The following GRM8 variants were observed in gnomAD, a reference collection of about 807,000 sequenced individuals.
The protein encoded by GRM8 is metabotropic glutamate receptor 8.
In GRM8, 47 loss-of-function variants were observed where a neutral mutation model predicts 87.2. That is an observed-to-expected ratio of 0.54 (90% CI 0.43 to 0.69). The LOEUF (loss-of-function observed/expected upper bound fraction) is 0.69, where lower values mean the gene tolerates loss of function less well. Ranked by LOEUF, GRM8 falls within the 30% of genes least tolerant of loss-of-function variation. GRM8 has a pLI of 0.00. For missense variants in GRM8, 1,019 were observed against 1,139.2 expected (o/e 0.89, Z 1.52); for synonymous variants, 396 against 404.5 (o/e 0.98, Z 0.25).
At chr7:126,812,656 G>T (rs1793412277) in intron 6 of GRM8, among the ~76,000 whole-genome samples, 1 of 151,898 alleles carries the variant, frequency 6.6e-6, no homozygotes. Context: ...TCTGTAGGAG[G>T]AGTCCTGAAA....
At chr7:126,808,834 T>C (rs564668750) in intron 6 of GRM8, among the ~76,000 whole-genome samples, 1 of 152,324 alleles carries the variant, frequency 6.6e-6, no homozygotes, top group African/African-American at 2.4e-5. Context: ...CTCTGGTATG[T>C]CTTTGCCTCC....
intron 9 of GRM8, among the ~76,000 whole-genome samples, chr7:126,489,315 A>G (rs1042036302): frequency 1.6e-4 from 24 of 152,116 alleles, no homozygotes; most frequent in African/African-American, 4.8e-4. Flanking sequence ...CTGCAAATCA[A>G]TATCAGCTAT....
intron 3 of GRM8, among the ~76,000 whole-genome samples, chr7:127,049,744 C>T (rs773143014): frequency 1.3e-5 from 2 of 151,938 alleles, no homozygotes; most frequent in South Asian, 2.1e-4. Flanking sequence ...GGTGGAGGGA[C>T]GATGGTCACA....
chr7:127,142,058 C>T (rs1343428680), intron 2 of GRM8, among the ~76,000 whole-genome samples: 1 of 152,028 alleles, frequency 6.6e-6, no homozygotes, highest in South Asian at 2.1e-4. Context: ...TCATAGCTCA[C>T]TACAACCTGG....
At chr7:126,822,436 G>A (rs79809519) in intron 6 of GRM8, among the ~76,000 whole-genome samples, 2 of 151,826 alleles carry the variant, frequency 1.3e-5, no homozygotes, top group African/African-American at 4.8e-5. Context: ...CCTGCACTCA[G>A]GCCCTTCCTT....
At chr7:126,780,002 T>A (rs1255007728) in intron 6 of GRM8, among the ~76,000 whole-genome samples, 2 of 152,224 alleles carry the variant, frequency 1.3e-5, no homozygotes, top group Non-Finnish European at 2.9e-5. Flanking sequence ...TGGCACCTTA[T>A]GTAGTAAATA....
intron 2 of GRM8, among the ~76,000 whole-genome samples, chr7:127,116,414 T>C (rs1307432671): frequency 1.3e-5 from 2 of 152,184 alleles, no homozygotes; most frequent in Non-Finnish European, 2.9e-5. Flanking sequence ...CCAGACACGG[T>C]GACAGGCCCT....
At chr7:126,657,888 G>A (rs552853916) in intron 7 of GRM8, among the ~76,000 whole-genome samples, 1 of 152,202 alleles carries the variant, frequency 6.6e-6, no homozygotes, top group Non-Finnish European at 1.5e-5. Context: ...GTATGCATAG[G>A]GGGAGCTCCT....
intron 2 of GRM8, among the ~76,000 whole-genome samples, chr7:127,203,403 C>T (rs1203317197): frequency 1.3e-5 from 2 of 152,118 alleles, no homozygotes; most frequent in Admixed American, 6.5e-5. Context: ...CTTGCACATA[C>T]ACCCCCTGAA....
intron 2 of GRM8, among the ~76,000 whole-genome samples, chr7:127,168,188 G>A (rs941390536): frequency 6.6e-6 from 1 of 152,110 alleles, no homozygotes; most frequent in East Asian, 1.9e-4. Context: ...ATCAAAAAGT[G>A]GGCAAAGGAT....
intron 7 of GRM8, among the ~76,000 whole-genome samples, chr7:126,670,549 G>A (rs1386981663): frequency 2.0e-5 from 3 of 152,124 alleles, no homozygotes; most frequent in African/African-American, 4.8e-5. Flanking sequence ...ATTCACAGAC[G>A]ATTGTTGTCT....
chr7:126,652,090 A>G (rs1460783632), intron 7 of GRM8, among the ~76,000 whole-genome samples: 2 of 152,252 alleles, frequency 1.3e-5, no homozygotes, highest in Non-Finnish European at 2.9e-5. Flanking sequence ...TTCTTTTGGT[A>G]AAACCATGTT....
chr7:126,726,827 T>G (rs1322326422), intron 7 of GRM8, among the ~76,000 whole-genome samples: 1 of 151,910 alleles, frequency 6.6e-6, no homozygotes, highest in Non-Finnish European at 1.5e-5. Flanking sequence ...TAAAGAAAAT[T>G]CTGACAAAAC....
At chr7:126,845,931 G>T (rs1796678608) in intron 6 of GRM8, among the ~76,000 whole-genome samples, 1 of 151,862 alleles carries the variant, frequency 6.6e-6, no homozygotes, top group Non-Finnish European at 1.5e-5. Context: ...ATGTGCAGGG[G>T]AGTGGGGCTA....
intron 6 of GRM8, among the ~76,000 whole-genome samples, chr7:126,777,738 C>T (rs543062227): frequency 5.0e-4 from 76 of 152,148 alleles, no homozygotes; most frequent in African/African-American, 1.7e-3. Context: ...TTGAACTACA[C>T]TTAAAAAGGA....
At chr7:126,681,580 C>T (rs1807589519) in intron 7 of GRM8, among the ~76,000 whole-genome samples, 2 of 152,248 alleles carry the variant, frequency 1.3e-5, no homozygotes, top group African/African-American at 4.8e-5. Context: ...AACTCAACAA[C>T]TTGGAGATTT....
intron 3 of GRM8, among the ~76,000 whole-genome samples, chr7:127,077,821 C>T (rs1822444306): frequency 6.6e-6 from 1 of 152,192 alleles, no homozygotes. Flanking sequence ...ATTCTGTATC[C>T]TTCTTGTTCT....
chr7:127,191,197 A>G (rs962835605), intron 2 of GRM8, among the ~76,000 whole-genome samples: 2 of 152,188 alleles, frequency 1.3e-5, no homozygotes, highest in Middle Eastern at 3.2e-3. Flanking sequence ...CAACTCCTTT[A>G]CATCAGGGCC....
intron 9 of GRM8, among the ~76,000 whole-genome samples, chr7:126,474,168 G>C (rs1380625250): frequency 6.6e-6 from 1 of 152,086 alleles, no homozygotes; most frequent in Non-Finnish European, 1.5e-5. Flanking sequence ...AAAATGAAGT[G>C]CTAGATTTCC....
Sources: allele counts gnomAD v4.1 joint callset (sites outside exome capture counted in the v4.1 genomes callset), GRCh38; gene constraint gnomAD v4.1.1; transcripts MANE v1.5; gene names NCBI Gene and HGNC (gene_info 2026-07-23, HGNC 2026-07-21).